The following RAB27B variants were observed in gnomAD, a reference collection of about 807,000 sequenced individuals.
The protein encoded by RAB27B is ras-related protein Rab-27B.
In RAB27B, 15 loss-of-function variants were observed where a neutral mutation model predicts 24.6. The ratio of observed to expected loss-of-function variants is 0.61; its 90% confidence interval spans 0.41 to 0.94. The LOEUF (loss-of-function observed/expected upper bound fraction) is 0.94. RAB27B is among the 40% of genes least tolerant of loss of function. The pLI is 0.00. For missense variants in RAB27B, 261 were observed against 266.8 expected (o/e 0.98, Z 0.15); for synonymous variants, 105 against 92.5 (o/e 1.14, Z -0.78).
At chr18:54,853,464 A>G (rs560758242) in intron 1 of RAB27B, among the ~76,000 whole-genome samples, 2 of 152,148 alleles carry the variant, frequency 1.3e-5, no homozygotes, top group African/African-American at 4.8e-5. Context: ...TGAAACCACA[A>G]TTTGATTGAT....
chr18:54,815,084 G>A (rs1910081465), intron 2 of RAB27B, among the ~76,000 whole-genome samples: 1 of 151,942 alleles, frequency 6.6e-6, no homozygotes, highest in Non-Finnish European at 1.5e-5. Flanking sequence ...CTGTTTATGT[G>A]CCATAGATAT....
intron 2 of RAB27B, among the ~76,000 whole-genome samples, chr18:54,798,309 C>T (rs764752660): frequency 1.3e-5 from 2 of 152,202 alleles, no homozygotes; most frequent in Non-Finnish European, 2.9e-5. Context: ...GAAGTGTATT[C>T]CTGGATCTGG....
intron 2 of RAB27B, among the ~76,000 whole-genome samples, chr18:54,770,624 C>T (rs939265078): frequency 6.6e-6 from 1 of 152,088 alleles, no homozygotes; most frequent in Non-Finnish European, 1.5e-5. Flanking sequence ...AAACCACCCC[C>T]CAACCAACAT....
chr18:54,730,664 ACTC>A (rs1405220123), intron 2 of RAB27B, among the ~76,000 whole-genome samples: 1 of 149,412 alleles, frequency 6.7e-6, no homozygotes, highest in African/African-American at 2.5e-5. Context: ...ATGGAGCCTG[ACTC>A]CTCCTCCTCA....
chr18:54,792,709 T>A lies in RAB27B; in HGVS notation c.-20+74568T>A, dbSNP rs1909289071. Among the ~76,000 whole-genome samples, 5 of 152,262 alleles carry A rather than the reference T, an allele frequency of 3.3e-5. No individual in the cohort carries two copies. In the South Asian group the frequency reaches 1.0e-3, roughly 32 times the overall value. On this transcript the variant is annotated intron_variant, in intron 2 of 4. Coordinates refer to the RAB27B transcript ENST00000586570. ...TTTTTTTCTTCACTGCTCCAGTACC[T>A]AACAGTCTCTGGTGTTAAGGAACTC...
intron 1 of RAB27B, among the ~76,000 whole-genome samples, chr18:54,845,544 C>A (rs1911302057): frequency 6.6e-6 from 1 of 151,766 alleles, no homozygotes; most frequent in African/African-American, 2.4e-5. Context: ...AAGTTAATAC[C>A]GTCTCGTTTT....
chr18:54,787,319 T>C (rs532356150), intron 2 of RAB27B, among the ~76,000 whole-genome samples: 120 of 152,302 alleles, frequency 7.9e-4, no homozygotes, highest in African/African-American at 2.7e-3. Context: ...TTCTGGGGAA[T>C]GTTCTCTTTC....
At chr18:54,819,004 A>G (rs1910208587) in intron 2 of RAB27B, among the ~76,000 whole-genome samples, 1 of 151,854 alleles carries the variant, frequency 6.6e-6, no homozygotes, top group African/African-American at 2.4e-5. Flanking sequence ...AACCTTCAGT[A>G]GCAATGAAAT....
At chr18:54,781,387 C>T (rs8089745) in intron 2 of RAB27B, among the ~76,000 whole-genome samples, 9,863 of 151,868 alleles carry the variant, frequency 0.065, 430 homozygotes, top group African/African-American at 0.1. Flanking sequence ...CTTTCATTCT[C>T]GGCAGGCCCC....
At chr18:54,791,104 T>A (rs932386074) in intron 2 of RAB27B, among the ~76,000 whole-genome samples, 3 of 152,176 alleles carry the variant, frequency 2.0e-5, no homozygotes, top group Admixed American at 2.0e-4. Context: ...GAAGGTATTA[T>A]TTGTCATTTG....
intron 2 of RAB27B, among the ~76,000 whole-genome samples, chr18:54,740,559 A>C (rs1183593776): frequency 2.6e-5 from 4 of 152,332 alleles, no homozygotes; most frequent in African/African-American, 9.6e-5. Context: ...ACAGCTTGAC[A>C]GTGGAATGTC....
chr18:54,858,380 T>G (rs1911868817), intron 1 of RAB27B, among the ~76,000 whole-genome samples: 1 of 31,712 alleles, frequency 3.2e-5, no homozygotes, highest in East Asian at 1.3e-3. Flanking sequence ...GAAAACTGTT[T>G]TTTTTTTTTT....
chr18:54,759,173 T>TA (rs1392500994), intron 2 of RAB27B, among the ~76,000 whole-genome samples: 1 of 152,048 alleles, frequency 6.6e-6, no homozygotes, highest in Non-Finnish European at 1.5e-5. Flanking sequence ...AGAAAGTTAG[T>TA]ACCATCATTG....
In RAB27B at chr18:54,894,032, G is replaced by A. The variant is rs1223005923; in HGVS notation, c.*4619G>A. 1 of 151,732 alleles carries A rather than the reference G, an allele frequency of 6.6e-6. No homozygotes were observed. The highest frequency in any genetic ancestry group is 6.6e-5 in the Admixed American group (1 of 15,206). The allele number at this position is 151,732 out of a possible 1,614,324, so 9.4% of individuals were successfully genotyped here. A position where few individuals can be genotyped will look rare whatever the true frequency, so the allele number is the denominator to read the frequency against. On this transcript the variant is annotated 3_prime_UTR_variant, in exon 6 of 6. Transcript: ENST00000262094. ...AATGTGATACACTTAGAGACATTTTGTTTATTGCATATAAATCTAATTTTT... is the reference window on the plus strand; with the variant it reads ...AATGTGATACACTTAGAGACATTTTATTTATTGCATATAAATCTAATTTTT...
chr18:54,843,347 T>G (rs901411160), intron 1 of RAB27B, among the ~76,000 whole-genome samples: 2 of 91,998 alleles, frequency 2.2e-5, no homozygotes, highest in African/African-American at 6.8e-5. Flanking sequence ...AAGTTTAGAT[T>G]TTCAATAAAA....
intron 2 of RAB27B, among the ~76,000 whole-genome samples, chr18:54,795,933 G>A (rs1909402108): frequency 6.6e-6 from 1 of 152,050 alleles, no homozygotes; most frequent in Non-Finnish European, 1.5e-5. Flanking sequence ...CACATATTTA[G>A]TGTACCATTT....
chr18:54,850,395 A>C (rs1911533079), intron 1 of RAB27B, among the ~76,000 whole-genome samples: 1 of 133,612 alleles, frequency 7.5e-6, no homozygotes, highest in Admixed American at 8.0e-5. Context: ...TTCTTGAGAC[A>C]GAGTCTCACT....
At position 54,891,091 on chromosome 18, in the gene RAB27B, G is replaced by A. The variant is rs1913350172; in HGVS notation, c.*1678G>A. ...TTTCCATACTCTGTGCATATTTTTT[G>A]TGAAGTTATACACATTGAAGACCCT... On this transcript the variant is annotated 3_prime_UTR_variant, in exon 6 of 6. Transcript: ENST00000262094. 6.7e-6 allele frequency: 1 copy of A among 149,588 alleles called. No individual in the cohort carries two copies. Among genetic ancestry groups the A allele is most frequent in the Admixed American group, 6.7e-5 (1 of 14,930 alleles). The allele number at this position is 149,588 out of a possible 1,614,324, so 9.3% of individuals were successfully genotyped here.
intron 1 of RAB27B, among the ~76,000 whole-genome samples, chr18:54,848,447 C>CATGT (rs1402965465): frequency 6.6e-6 from 1 of 152,060 alleles, no homozygotes; most frequent in East Asian, 1.9e-4. Context: ...CCCCAGACTA[C>CATGT]AGGTAAAGAA....
Sources: gnomAD v4.1 joint callset for allele counts (sites outside exome capture counted in the v4.1 genomes callset) on GRCh38, gnomAD v4.1.1 for gene constraint, MANE v1.5 for transcripts, NCBI Gene and HGNC (gene_info 2026-07-23, HGNC 2026-07-21) for gene names.